ZNF33A: variants seen among roughly 807,000 people sequenced by gnomAD.
ZNF33A encodes the protein zinc finger protein 33A.
A neutral mutation model predicts 15.9 loss-of-function variants in ZNF33A; 9 were observed. That is an observed-to-expected ratio of 0.57 (90% CI 0.34 to 0.99). The LOEUF (loss-of-function observed/expected upper bound fraction) is 0.99. Ranked by LOEUF, ZNF33A falls within the 50% of genes least tolerant of loss-of-function variation. ZNF33A has a pLI of 0.02. For synonymous variants in ZNF33A, 294 were observed against 324.2 expected (o/e 0.91, Z 1.00); for missense variants, 843 against 941.6 (o/e 0.90, Z 1.37).
chr10:38,055,098 G>T lies in ZNF33A; in HGVS notation c.974G>T (p.Gly325Val), dbSNP rs1590705666. ...CLSHLQKGDK[G>V]EKHFECNECG... ...TCACACCTTCAGAAAGGTGATAAAGGAGAGAAACACTTTGAATGTAATGAA... is the reference window on the plus strand; with the variant it reads ...TCACACCTTCAGAAAGGTGATAAAGTAGAGAAACACTTTGAATGTAATGAA... Residue 325 changes from glycine to valine, a missense_variant, in exon 5 of 5, where the codon GGA becomes GTA. By Grantham distance (109) the Gly-to-Val change is moderately radical. Coordinates refer to ENST00000432900, the MANE Select transcript of ZNF33A (RefSeq NM_006954.2). 6 of 1,614,136 alleles carry T rather than the reference G, an allele frequency of 3.7e-6. No individual in the cohort carries two copies. In the East Asian group the frequency reaches 1.3e-4, roughly 36 times the overall value.
At position 38,015,388 on chromosome 10, in the gene ZNF33A, G is replaced by A. The variant is rs533109962; in HGVS notation, c.10-1483G>A. On this transcript the variant is annotated intron_variant, in intron 2 of 4. Coordinates refer to ENST00000432900, the MANE Select transcript of ZNF33A (RefSeq NM_006954.2). ...GGTGCTGACCTTGGCTCACTGCAAC[G>A]TCTGCCTCCCAGGTTAAAGGGATTC... is the stretch of plus-strand genomic sequence containing the variant. Among the ~76,000 whole-genome samples the A allele has an allele frequency of 1.1e-4, 17 of 152,046 alleles. No individual in the cohort carries two copies. In the South Asian group the frequency reaches 3.1e-3, roughly 28 times the overall value.
intron 4 of ZNF33A, among the ~76,000 whole-genome samples, chr10:38,024,177 A>AAAAAAAAAAAAAAG (rs2064881171): frequency 6.6e-6 from 1 of 150,412 alleles, no homozygotes; most frequent in African/African-American, 2.4e-5. Context: ...AAAAAAAAAA[A>AAAAAAAAAAAAAAG]AAAAGAAAAA....
At chr10:38,063,973 G>A (rs2066685477), downstream of ZNF33A, 1 of 977,816 alleles carries the variant, frequency 1.0e-6, no homozygotes, top group Admixed American at 1.9e-5. Flanking sequence ...GGTGCCTGCA[G>A]GACAGTGCAT....
chr10:38,010,606 G>C, upstream of ZNF33A: 1 of 1,141,584 alleles, frequency 8.8e-7, no homozygotes. Context: ...TAGTTTCCAG[G>C]TAGGGCGCCA....
Position 38,057,130 on chromosome 10 carries a change from G to A in ZNF33A, c.*570G>A. 1 of 754,378 alleles carries A rather than the reference G, an allele frequency of 1.3e-6. No individual in the cohort carries two copies. The allele number at this position is 754,378 out of a possible 1,614,324, so 46.7% of individuals were successfully genotyped here. The stretch of plus-strand genomic sequence containing the variant: ...ATGCACTCTGTGTGTGTGTGTACGT[G>A]TATGTGTGTGTGTGTGGTTATATCA... On this transcript the variant is annotated 3_prime_UTR_variant, in exon 5 of 5. Coordinates refer to ENST00000432900, the MANE Select transcript of ZNF33A (RefSeq NM_006954.2).
intron 4 of ZNF33A, among the ~76,000 whole-genome samples, chr10:38,025,654 A>G (rs1050771773): frequency 6.6e-6 from 1 of 152,248 alleles, no homozygotes; most frequent in Non-Finnish European, 1.5e-5. Flanking sequence ...TTTAAGCCAC[A>G]CAGTCTGTGG....
chr10:38,040,764 T>G (rs2065663117), intron 4 of ZNF33A, among the ~76,000 whole-genome samples: 1 of 152,226 alleles, frequency 6.6e-6, no homozygotes. Flanking sequence ...GATTGGATTT[T>G]CAAATCATTC....
chr10:38,035,231 C>T (rs2065395719), intron 4 of ZNF33A, among the ~76,000 whole-genome samples: 3 of 144,816 alleles, frequency 2.1e-5, no homozygotes, highest in Non-Finnish European at 3.0e-5. Flanking sequence ...ATTTCTCCTG[C>T]TTCAGCTTCT....
intron 1 of ZNF33A, 138 bp downstream of exon 1, chr10:38,010,921 G>C (rs2064142458): frequency 1.9e-6 from 2 of 1,040,342 alleles, no homozygotes; most frequent in Admixed American, 4.8e-5. Context: ...CGGGGCTGCA[G>C]CGTGTGGGCC....
At position 38,010,794 on chromosome 10, in the gene ZNF33A, G is replaced by C. The variant is rs777448429; in HGVS notation, c.-45+11G>C. The C allele has an allele frequency of 1.3e-6, 2 of 1,598,446 alleles. No individual in the cohort carries two copies. Among genetic ancestry groups the C allele is most frequent in the Non-Finnish European group, 1.7e-6 (2 of 1,179,782 alleles). Reference sequence around the variant, plus strand: ...CGACGAGGGAGTGGGGTAAGCCCCAGTGGGTTGGGCAGGGAGAGAGAGGGA... The same window carrying C: ...CGACGAGGGAGTGGGGTAAGCCCCACTGGGTTGGGCAGGGAGAGAGAGGGA... On this transcript the variant is annotated intron_variant, in intron 1 of 4. Transcript: ENST00000432900.
intron 4 of ZNF33A, among the ~76,000 whole-genome samples, chr10:38,043,181 C>G (rs1396179409): frequency 6.6e-6 from 1 of 151,808 alleles, no homozygotes; most frequent in South Asian, 2.1e-4. Flanking sequence ...GCAAATAGTT[C>G]TGCTATTTTA....
chr10:38,034,393 C>T (rs1270761496), intron 4 of ZNF33A, among the ~76,000 whole-genome samples: 1 of 152,054 alleles, frequency 6.6e-6, no homozygotes, highest in African/African-American at 2.4e-5. Context: ...TTGAGGAGTC[C>T]TGGTGAGGTA....
At chr10:38,021,200 A>G (rs1220242995) in intron 4 of ZNF33A, among the ~76,000 whole-genome samples, 2 of 152,234 alleles carry the variant, frequency 1.3e-5, no homozygotes, top group African/African-American at 4.8e-5. Flanking sequence ...TATTAATATC[A>G]AATACAGTAG....
At chr10:38,011,053 A>C (rs1350360595) in intron 1 of ZNF33A, among the ~76,000 whole-genome samples, 2 of 151,596 alleles carry the variant, frequency 1.3e-5, no homozygotes, top group African/African-American at 4.8e-5. Context: ...CCGCGCGCTG[A>C]GCCTTGCGGG....
At chr10:38,023,274 A>T (rs1358806943) in intron 4 of ZNF33A, among the ~76,000 whole-genome samples, 1 of 152,218 alleles carries the variant, frequency 6.6e-6, no homozygotes, top group African/African-American at 2.4e-5. Context: ...ACATTTAAAA[A>T]ATTATTTTGA....
intron 4 of ZNF33A, among the ~76,000 whole-genome samples, chr10:38,046,406 G>A (rs1435202194): frequency 6.6e-6 from 1 of 152,208 alleles, no homozygotes. Context: ...TGGGTAGAGT[G>A]TTCAGAAAGG....
At chr10:38,061,858 G>A (rs2135794018), downstream of ZNF33A, among the ~76,000 whole-genome samples, 1 of 152,302 alleles carries the variant, frequency 6.6e-6, no homozygotes, top group South Asian at 2.1e-4. Flanking sequence ...TTGGGAGGCT[G>A]AAGCAGGAGA....
In ZNF33A at chr10:38,059,586, T is replaced by C. The variant is rs1232466959; in HGVS notation, c.*3026T>C. The C allele has an allele frequency of 1.3e-5, 2 of 152,194 alleles. No homozygotes were observed. Among genetic ancestry groups the C allele is most frequent in the East Asian group, 1.9e-4 (1 of 5,194 alleles). The allele number at this position is 152,194 out of a possible 1,614,324, so 9.4% of individuals were successfully genotyped here. A position where few individuals can be genotyped will look rare whatever the true frequency, so the allele number is the denominator to read the frequency against. On this transcript the variant is annotated 3_prime_UTR_variant, in exon 5 of 5. Transcript: ENST00000432900. ...GACACGGAGAAACCCTAAATGCTTA[T>C]TGTTAAGTGAAAACCAATCTGAAAA...
chr10:38,050,425 T>A (rs2066149909), intron 4 of ZNF33A, among the ~76,000 whole-genome samples: 1 of 152,236 alleles, frequency 6.6e-6, no homozygotes, highest in Non-Finnish European at 1.5e-5. Context: ...TGCACTCTTG[T>A]AAGAAGGGAT....
Sources: allele counts gnomAD v4.1 joint callset (sites outside exome capture counted in the v4.1 genomes callset), GRCh38; gene constraint gnomAD v4.1.1; transcripts MANE v1.5; gene names NCBI Gene and HGNC (gene_info 2026-07-23, HGNC 2026-07-21).